The following GRB2 variants were observed in gnomAD, a reference collection of about 807,000 sequenced individuals.
GRB2 encodes the protein growth factor receptor-bound protein 2.
In GRB2, 2 loss-of-function variants were observed where a neutral mutation model predicts 27.4. The observed-to-expected ratio is 0.07, with a 90% confidence interval of 0.03 to 0.23. GRB2 has a LOEUF of 0.23. GRB2 is among the 10% of genes least tolerant of loss of function. The pLI, the probability that GRB2 is intolerant of heterozygous loss-of-function variation, is 1.00. For synonymous variants in GRB2, 94 were observed against 99.6 expected, an observed-to-expected ratio of 0.94 and a Z score of 0.33; for missense variants, 102 against 282.4, an observed-to-expected ratio of 0.36 and a Z score of 4.58.
intron 2 of GRB2, among the ~76,000 whole-genome samples, chr17:75,377,709 C>T (rs1322978573): frequency 6.6e-6 from 1 of 150,546 alleles, no homozygotes; most frequent in Non-Finnish European, 1.5e-5. Context: ...GAGTTAGAGA[C>T]CAGCCTGGCC....
intron 1 of GRB2, chr17:75,404,907 G>A (rs924600344): frequency 1.3e-5 from 2 of 152,060 alleles, no homozygotes; most frequent in Non-Finnish European, 2.9e-5. Context: ...TCCTTCCTCG[G>A]TGCAGTCCAA....
At chr17:75,321,956 C>G in intron 4 of GRB2, 129 bp from the exon 5 acceptor site, 1 of 800,114 alleles carries the variant, frequency 1.2e-6, no homozygotes, top group South Asian at 1.7e-5. Flanking sequence ...TGCAGAGCAA[C>G]AAGTTTCCTC....
intron 2 of GRB2, among the ~76,000 whole-genome samples, chr17:75,370,770 G>GA (rs1351311461): frequency 6.6e-6 from 1 of 152,170 alleles, no homozygotes; most frequent in Non-Finnish European, 1.5e-5. Context: ...AAATTAGAAC[G>GA]AATCTTCACA....
chr17:75,325,790 A>G, intron 4 of GRB2, 108 bp downstream of exon 4: 2 of 1,135,672 alleles, frequency 1.8e-6, no homozygotes, highest in Admixed American at 3.8e-5. Context: ...GAAACTGTTT[A>G]GGCTAAGCCT....
chr17:75,362,616 GA>G (rs1468751919), intron 2 of GRB2, among the ~76,000 whole-genome samples: 2 of 152,172 alleles, frequency 1.3e-5, no homozygotes, highest in East Asian at 3.9e-4. Context: ...AACAGAAACA[GA>G]AGTTCTATCT....
intron 2 of GRB2, among the ~76,000 whole-genome samples, chr17:75,355,823 T>C (rs1337347904): frequency 6.7e-6 from 1 of 149,634 alleles, no homozygotes; most frequent in African/African-American, 2.5e-5. Flanking sequence ...CTTCTTTTTT[T>C]TTTTTTTTTT....
chr17:75,353,450 G>C (rs1341546892), intron 2 of GRB2, among the ~76,000 whole-genome samples: 1 of 138,494 alleles, frequency 7.2e-6, no homozygotes, highest in African/African-American at 2.5e-5. Flanking sequence ...ATTTCCTCGA[G>C]TTTCTATGCC....
At chr17:75,333,325 C>T (rs142175849) in intron 2 of GRB2, among the ~76,000 whole-genome samples, 130 of 152,318 alleles carry the variant, frequency 8.5e-4, no homozygotes, top group African/African-American at 3.0e-3. Context: ...ATCTGCCCAC[C>T]TTGGCCTCTC....
intron 1 of GRB2, 174 bp from the exon 2 acceptor site, chr17:75,393,939 G>A: frequency 4.6e-6 from 2 of 432,274 alleles, no homozygotes; most frequent in Non-Finnish European, 8.2e-6. Context: ...TTTCAGCCTC[G>A]GCCCCCAGGC....
intron 2 of GRB2, among the ~76,000 whole-genome samples, chr17:75,337,436 T>C (rs16967795): frequency 0.01 from 1,542 of 151,580 alleles, 52 homozygotes; most frequent in East Asian, 0.079. Context: ...CACAAATGAA[T>C]GTTGAAGAGC....
chr17:75,337,898 C>T (rs796116165), intron 2 of GRB2, among the ~76,000 whole-genome samples: 2,418 of 133,262 alleles, frequency 0.018, 73 homozygotes, highest in African/African-American at 0.068. Flanking sequence ...ACTACTACTA[C>T]TACTATTATT....
intron 2 of GRB2, among the ~76,000 whole-genome samples, chr17:75,354,565 T>C (rs563532829): frequency 2.0e-5 from 3 of 152,152 alleles, no homozygotes; most frequent in South Asian, 2.1e-4. Context: ...CCTGATGATC[T>C]GAGGTTGAAC....
At chr17:75,336,831 G>C (rs1033522083) in intron 2 of GRB2, among the ~76,000 whole-genome samples, 1 of 151,990 alleles carries the variant, frequency 6.6e-6, no homozygotes, top group Non-Finnish European at 1.5e-5. Flanking sequence ...TCCACTTCCC[G>C]GGTTCAAGTG....
At chr17:75,346,861 C>G (rs1235157423) in intron 2 of GRB2, among the ~76,000 whole-genome samples, 3 of 152,060 alleles carry the variant, frequency 2.0e-5, no homozygotes, top group Non-Finnish European at 4.4e-5. Context: ...CTGTGCCCAG[C>G]CTGCTCTGAC....
intron 2 of GRB2, among the ~76,000 whole-genome samples, chr17:75,356,499 C>T (rs892964339): frequency 1.3e-5 from 2 of 152,124 alleles, no homozygotes; most frequent in African/African-American, 2.4e-5. Flanking sequence ...CAGGGCAAGA[C>T]CCTATCATTC....
chr17:75,374,743 A>G (rs117177913), intron 2 of GRB2, among the ~76,000 whole-genome samples: 4,179 of 152,142 alleles, frequency 0.027, 103 homozygotes, highest in Non-Finnish European at 0.041. Flanking sequence ...GCCATGATCA[A>G]TCACGCCACT....
chr17:75,384,818 G>A (rs1458685907), intron 2 of GRB2, among the ~76,000 whole-genome samples: 2 of 151,792 alleles, frequency 1.3e-5, no homozygotes. Flanking sequence ...AGAGATCTAT[G>A]TATATGATAA....
intron 2 of GRB2, among the ~76,000 whole-genome samples, chr17:75,391,298 A>T (rs1192026406): frequency 6.6e-6 from 1 of 152,210 alleles, no homozygotes; most frequent in Admixed American, 6.6e-5. Context: ...AAAATCTAAA[A>T]GTGAATGTGA....
chr17:75,387,253 T>A (rs1388214604), intron 2 of GRB2, among the ~76,000 whole-genome samples: 1 of 151,440 alleles, frequency 6.6e-6, no homozygotes, highest in South Asian at 2.1e-4. Context: ...AGGCCAGGAG[T>A]TCGAGACTAA....
Sources: gnomAD v4.1 joint callset for allele counts (sites outside exome capture counted in the v4.1 genomes callset) on GRCh38, gnomAD v4.1.1 for gene constraint, MANE v1.5 for transcripts, NCBI Gene and HGNC (gene_info 2026-07-23, HGNC 2026-07-21) for gene names.